CFAP157: variants seen among roughly 807,000 people sequenced by gnomAD.
The protein encoded by CFAP157 is cilia and flagella associated protein 157, also known as cilia- and flagella-associated protein 157.
A neutral mutation model predicts 57.8 loss-of-function variants in CFAP157; 43 were observed. The observed-to-expected ratio is 0.74, with a 90% CI of 0.58 to 0.96. The LOEUF (loss-of-function observed/expected upper bound fraction) is 0.96, where lower values mean the gene tolerates loss of function less well. Among genes scored for constraint, CFAP157 ranks in the 40% least tolerant of loss-of-function variants. The pLI, the probability that CFAP157 is intolerant of heterozygous loss-of-function variation, is 0.00. For missense variants in CFAP157, 606 were observed against 655.3 expected (o/e 0.92, Z 0.82); for synonymous variants, 267 against 269.0 (o/e 0.99, Z 0.07).
intron 1 of CFAP157, among the ~76,000 whole-genome samples, chr9:127,708,507 A>T (rs1336643000): frequency 6.6e-6 from 1 of 152,150 alleles, no homozygotes; most frequent in Non-Finnish European, 1.5e-5. Flanking sequence ...AATTTAATTA[A>T]AAAAAACTTT....
In CFAP157 at chr9:127,715,318, CGAA is replaced by C. The variant is rs1564371323; in HGVS notation, c.*1418_*1420del. The C allele has an allele frequency of 1.5e-6, 2 of 1,307,056 alleles. No homozygotes were observed. Among genetic ancestry groups the C allele is most frequent in the South Asian group, 1.3e-5 (1 of 79,336 alleles). The allele number at this position is 1,307,056 out of a possible 1,614,324, so 81.0% of individuals were successfully genotyped here. A position where few individuals can be genotyped will look rare whatever the true frequency, so the allele number is the denominator to read the frequency against. ...GCAACGCTGCAGTGGGGAAGGGGCGCGAAGAAGGGGCCCAGAAACCCGACCCCT... is the reference window on the plus strand; with the variant it reads ...GCAACGCTGCAGTGGGGAAGGGGCGCGAAGGGGCCCAGAAACCCGACCCCT... On this transcript the variant is annotated 3_prime_UTR_variant, in exon 9 of 9. Coordinates refer to ENST00000373295, the MANE Select transcript of CFAP157 (RefSeq NM_001012502.3). The surrounding 1 kb of genome is among the most constrained non-coding windows in gnomAD (Gnocchi z 5.8).
At position 127,714,959 on chromosome 9, in the gene CFAP157, G is replaced by A; in HGVS notation, c.*1054G>A. 1 of 95,352 alleles carries A rather than the reference G, an allele frequency of 1.0e-5. No homozygotes were observed. The highest frequency in any genetic ancestry group is 1.9e-5 in the Non-Finnish European group (1 of 53,732). The allele number at this position is 95,352 out of a possible 1,614,324, so 5.9% of individuals were successfully genotyped here. A position where few individuals can be genotyped will look rare whatever the true frequency, so the allele number is the denominator to read the frequency against. ...CCCCTTGGCCCGCCCGCCCACCCCT[G>A]GCGCTCTCAACTCACCAGCCCGGGC... is the stretch of plus-strand genomic sequence containing the variant. On this transcript the variant is annotated 3_prime_UTR_variant, in exon 9 of 9. Transcript: ENST00000373295.
intron 3 of CFAP157, 149 bp from the exon 4 acceptor site, chr9:127,711,079 GA>G: frequency 1.0e-6 from 1 of 956,182 alleles, no homozygotes. Flanking sequence ...GATCTACAGG[GA>G]AAGCCTCCCA....
At position 127,707,197 on chromosome 9, in the gene CFAP157, G is replaced by T. The variant is rs769176716; in HGVS notation, c.161+5G>T. 1 of 1,609,090 alleles carries T rather than the reference G, an allele frequency of 6.2e-7. No homozygotes were observed. The highest frequency in any genetic ancestry group is 1.1e-5 in the South Asian group (1 of 90,998). ...CCTGGAGGACCGGCTAGCCCGGTGC[G>T]TGGGCTGGCGGGCAGGAGTCTGGTG... On this transcript the variant is annotated splice_donor_5th_base_variant and intron_variant, in intron 1 of 8. Coordinates refer to ENST00000373295, the MANE Select transcript of CFAP157 (RefSeq NM_001012502.3).
At chr9:127,711,732 C>G (rs1842769420) in intron 4 of CFAP157, 88 bp from the exon 5 acceptor site, 5 of 1,446,214 alleles carry the variant, frequency 3.5e-6, no homozygotes, top group Non-Finnish European at 4.7e-6. Context: ...ACTGGCCGCT[C>G]TGCATAGGGG....
chr9:127,715,106 A>T lies in CFAP157; in HGVS notation c.*1201A>T. ...CCGGTCGCGCGTCCAACTCTCCGCC[A>T]CACCCAGCCGCCGCGCCAGCTGCCC... On this transcript the variant is annotated 3_prime_UTR_variant, in exon 9 of 9. Transcript: ENST00000373295. The surrounding 1 kb of genome is among the most constrained non-coding windows in gnomAD (Gnocchi z 5.8). 1 of 1,533,698 alleles carries T rather than the reference A, an allele frequency of 6.5e-7. No individual in the cohort carries two copies. The highest frequency in any genetic ancestry group is 8.7e-7 in the Non-Finnish European group (1 of 1,145,888).
In CFAP157 at chr9:127,707,196, C is replaced by G. The variant is rs773825118; in HGVS notation, c.161+4C>G. ...ACCTGGAGGACCGGCTAGCCCGGTG[C>G]GTGGGCTGGCGGGCAGGAGTCTGGT... On this transcript the variant is annotated splice_donor_region_variant and intron_variant, in intron 1 of 8. Coordinates refer to ENST00000373295, the MANE Select transcript of CFAP157 (RefSeq NM_001012502.3). 4.4e-6 allele frequency: 7 copies of G among 1,608,968 alleles called. No individual in the cohort carries two copies. The Admixed American group carries it at 1.2e-4, about 27-fold the overall frequency.
chr9:127,715,643 GC>G lies in CFAP157; in HGVS notation c.*1743del, dbSNP rs757049467. 9 of 1,610,812 alleles carry G rather than the reference GC, an allele frequency of 5.6e-6. No homozygotes were observed. In the Admixed American group the frequency reaches 6.7e-5, roughly 12 times the overall value. On this transcript the variant is annotated 3_prime_UTR_variant, in exon 9 of 9. Transcript: ENST00000373295. The surrounding 1 kb of genome is among the most constrained non-coding windows in gnomAD (Gnocchi z 5.8). The stretch of plus-strand genomic sequence containing the variant: ...CCAAAAAGCCGCCCGGCCTCATGCT[GC>G]CCCCATTCACTCCGACACCGCCCCC...
At chr9:127,710,523 G>T (rs1245472176) in intron 2 of CFAP157, 78 bp from the exon 3 acceptor site, 72 of 1,508,752 alleles carry the variant, frequency 4.8e-5, no homozygotes, top group Non-Finnish European at 5.9e-5. Flanking sequence ...AGGGACCTAA[G>T]GGGCATCTTT....
intron 5 of CFAP157, 110 bp from the exon 6 acceptor site, chr9:127,712,089 G>T: frequency 6.6e-7 from 1 of 1,514,628 alleles, no homozygotes; most frequent in Non-Finnish European, 8.9e-7. Flanking sequence ...GGCTTGGGGC[G>T]GGATGGGGGC....
At chr9:127,708,001 T>C (rs1842685235) in intron 1 of CFAP157, among the ~76,000 whole-genome samples, 1 of 152,008 alleles carries the variant, frequency 6.6e-6, no homozygotes, top group Non-Finnish European at 1.5e-5. Context: ...GTCATCCCCA[T>C]TGCACAGATG....
At chr9:127,712,901 C>A (rs1415089030) in intron 7 of CFAP157, 26 bp downstream of exon 7, 3 of 1,597,534 alleles carry the variant, frequency 1.9e-6, no homozygotes, top group Non-Finnish European at 2.6e-6. Flanking sequence ...TGTGTGGCCT[C>A]AGAGGCAGCC....
At position 127,715,770 on chromosome 9, in the gene CFAP157, G is replaced by A. The variant is rs1186044947; in HGVS notation, c.*1865G>A. The A allele has an allele frequency of 2.7e-6, 4 of 1,501,702 alleles. No homozygotes were observed. The Admixed American group carries it at 9.6e-5, about 36-fold the overall frequency. The allele number at this position is 1,501,702 out of a possible 1,614,324, so 93.0% of individuals were successfully genotyped here. A position where few individuals can be genotyped will look rare whatever the true frequency, so the allele number is the denominator to read the frequency against. Reference sequence around the variant, plus strand: ...GGCTACGTGGCCGCCATGCTTCTGAGGGGCGGAAGCGGCGAGGCGGTGGCC... The same window carrying A: ...GGCTACGTGGCCGCCATGCTTCTGAAGGGCGGAAGCGGCGAGGCGGTGGCC... On this transcript the variant is annotated 3_prime_UTR_variant, in exon 9 of 9. Coordinates refer to ENST00000373295, the MANE Select transcript of CFAP157 (RefSeq NM_001012502.3). This position sits in a 1 kb window ranked among gnomAD's most constrained non-coding sequence, Gnocchi z 5.8.
At chr9:127,708,908 G>T (rs1842704002) in intron 1 of CFAP157, among the ~76,000 whole-genome samples, 1 of 152,210 alleles carries the variant, frequency 6.6e-6, no homozygotes, top group Admixed American at 6.5e-5. Flanking sequence ...AGTTATGGAG[G>T]GATGCAGAGC....
chr9:127,714,724 C>T lies in CFAP157; in HGVS notation c.*819C>T, dbSNP rs369035380. 7 of 1,585,512 alleles carry T rather than the reference C, an allele frequency of 4.4e-6. No individual in the cohort carries two copies. The highest frequency in any genetic ancestry group is 5.2e-6 in the Non-Finnish European group (6 of 1,160,690). On this transcript the variant is annotated 3_prime_UTR_variant, in exon 9 of 9. Coordinates refer to ENST00000373295, the MANE Select transcript of CFAP157 (RefSeq NM_001012502.3). ...TCCGCTTAGCACAGGGAAACGGCAGCCCTGGTTACTGCCCATCTGCCCAGA... is the reference window on the plus strand; with the variant it reads ...TCCGCTTAGCACAGGGAAACGGCAGTCCTGGTTACTGCCCATCTGCCCAGA...
intron 1 of CFAP157, among the ~76,000 whole-genome samples, chr9:127,707,706 T>C (rs1419005569): frequency 6.6e-6 from 1 of 152,168 alleles, no homozygotes; most frequent in Non-Finnish European, 1.5e-5. Flanking sequence ...CTAGAGCCAG[T>C]TTTGTGTGTG....
At chr9:127,710,390 T>G (rs558247754) in intron 2 of CFAP157, among the ~76,000 whole-genome samples, 1 of 151,646 alleles carries the variant, frequency 6.6e-6, no homozygotes, top group South Asian at 2.1e-4. Flanking sequence ...CTTCATAAGA[T>G]TCATGGAGGG....
rs566703169 is a variant in CFAP157, at chr9:127,715,561, G to A, written c.*1656G>A. On this transcript the variant is annotated 3_prime_UTR_variant, in exon 9 of 9. Transcript: ENST00000373295. The surrounding 1 kb of genome is among the most constrained non-coding windows in gnomAD (Gnocchi z 5.8). ...CCACTCACCATCCACCGCTTCCCCG[G>A]GGGGCGAGGCTCCAAAACACATCGG... 5.0e-6 allele frequency: 8 copies of A among 1,613,562 alleles called. No individual in the cohort carries two copies. In the East Asian group the frequency reaches 1.6e-4, roughly 31 times the overall value.
Position 127,709,579 on chromosome 9 carries a change from A to T in CFAP157, c.319A>T (p.Asn107Tyr). 6.2e-7 allele frequency: 1 copy of T among 1,614,064 alleles called. No individual in the cohort carries two copies. The highest frequency in any genetic ancestry group is 8.5e-7 in the Non-Finnish European group (1 of 1,180,014). The change falls in exon 2 of 9, where the codon AAC becomes TAC. Residue 107 changes from asparagine to tyrosine, a missense_variant. By Grantham distance (143) the Asn-to-Tyr change is moderately radical. Coordinates refer to ENST00000373295, the MANE Select transcript of CFAP157 (RefSeq NM_001012502.3). This position sits in a 1 kb window ranked among gnomAD's most constrained non-coding sequence, Gnocchi z 4.7. ...EITDLNEQLQ[N>Y]LQLAKEMEKD... Reference sequence around the variant, plus strand: ...CACAGACCTCAACGAGCAGCTCCAGAACTTGCAGCTAGCCAAAGAGATGGA... The same window carrying T: ...CACAGACCTCAACGAGCAGCTCCAGTACTTGCAGCTAGCCAAAGAGATGGA...
Sources: gnomAD v4.1 joint callset for allele counts (sites outside exome capture counted in the v4.1 genomes callset) on GRCh38, gnomAD v4.1.1 for gene constraint, Gnocchi (gnomAD v3.1) non-coding constraint, MANE v1.5 for transcripts, NCBI Gene and HGNC (gene_info 2026-07-23, HGNC 2026-07-21) for gene names.